Variants in DLGAP2 observed in about 807,000 individuals in gnomAD.
DLGAP2 encodes the protein disks large-associated protein 2.
A neutral mutation model predicts 100.3 loss-of-function variants in DLGAP2; 26 were observed. The ratio of observed to expected loss-of-function variants is 0.26; its 90% CI spans 0.19 to 0.36. The LOEUF (loss-of-function observed/expected upper bound fraction) is 0.36, where lower values mean the gene tolerates loss of function less well. DLGAP2 is among the 10% of genes least tolerant of loss of function. The pLI is 1.00. For missense variants in DLGAP2, 1,858 were observed against 1,453.2 expected (o/e 1.28, Z -4.53); for synonymous variants, 886 against 630.1 (o/e 1.41, Z -6.08).
chr8:826,372 G>C (rs1475561811), intron 1 of DLGAP2, among the ~76,000 whole-genome samples: 1 of 152,076 alleles, frequency 6.6e-6, no homozygotes, highest in Admixed American at 6.5e-5. Flanking sequence ...TATGTTCCCT[G>C]CTTCACTCAT....
At chr8:947,106 C>T (rs1437892539) in intron 2 of DLGAP2, among the ~76,000 whole-genome samples, 2 of 152,208 alleles carry the variant, frequency 1.3e-5, no homozygotes, top group South Asian at 2.1e-4. Context: ...TCCCTGGCTC[C>T]GGGTGCGCCC....
intron 2 of DLGAP2, among the ~76,000 whole-genome samples, chr8:1,134,458 A>G (rs1015755966): frequency 7.2e-5 from 11 of 152,188 alleles, no homozygotes; most frequent in East Asian, 1.9e-4. Flanking sequence ...AACAGTGTAT[A>G]AGCAATTCCT....
chr8:1,350,131 G>A (rs1801673514), intron 3 of DLGAP2, among the ~76,000 whole-genome samples: 1 of 152,194 alleles, frequency 6.6e-6, no homozygotes, highest in Non-Finnish European at 1.5e-5. Flanking sequence ...TTAAACTGCA[G>A]GAAGAAATAA....
chr8:967,836 A>T (rs1256161385), intron 2 of DLGAP2, among the ~76,000 whole-genome samples: 19 of 24,402 alleles, frequency 7.8e-4, no homozygotes, highest in South Asian at 2.0e-3. Context: ...ATATATATAT[A>T]TATATATATA....
intron 1 of DLGAP2, among the ~76,000 whole-genome samples, chr8:779,368 G>C (rs374502787): frequency 1.3e-5 from 2 of 151,956 alleles, no homozygotes; most frequent in Admixed American, 6.5e-5. Flanking sequence ...CTCCTCCCCT[G>C]TGAATCACTT....
intron 3 of DLGAP2, among the ~76,000 whole-genome samples, chr8:1,468,859 C>T (rs866094578): frequency 2.6e-5 from 4 of 152,142 alleles, no homozygotes; most frequent in African/African-American, 7.2e-5. Flanking sequence ...CATCCTGGGG[C>T]CACGCTGCCC....
chr8:1,663,087 G>A (rs1195902323), intron 8 of DLGAP2, among the ~76,000 whole-genome samples: 1 of 138,410 alleles, frequency 7.2e-6, no homozygotes, highest in African/African-American at 2.8e-5. Context: ...GTTTGTACAT[G>A]TGTGTGGGGG....
intron 3 of DLGAP2, among the ~76,000 whole-genome samples, chr8:1,456,917 C>T (rs1280811287): frequency 2.1e-5 from 3 of 141,412 alleles, no homozygotes; most frequent in African/African-American, 5.2e-5. Flanking sequence ...GCCTGCCCTC[C>T]GGCCCCGAGC....
intron 1 of DLGAP2, among the ~76,000 whole-genome samples, chr8:800,142 G>A (rs931598708): frequency 6.6e-6 from 1 of 152,142 alleles, no homozygotes; most frequent in Non-Finnish European, 1.5e-5. Context: ...CACATGCCAA[G>A]TGGAGCTCCT....
chr8:1,332,214 T>C lies in DLGAP2; in HGVS notation c.106+73331T>C, dbSNP rs752546783. 6.1e-4 allele frequency among the ~76,000 whole-genome samples: 93 copies of C among 152,106 alleles called. 1 individual carries two copies. Among genetic ancestry groups the C allele is most frequent in the Non-Finnish European group, 6.6e-4 (45 of 68,010 alleles). ...GTTTATTTGCATTGTGTGCTTGTGA[T>C]GGTTTGTGTGAGTGTGCCTGCATAT... On this transcript the variant is annotated intron_variant, in intron 3 of 14. Coordinates refer to ENST00000637795, the MANE Select transcript of DLGAP2 (RefSeq NM_001346810.2).
intron 6 of DLGAP2, among the ~76,000 whole-genome samples, chr8:1,606,180 G>C (rs2130717564): frequency 6.6e-6 from 1 of 152,218 alleles, no homozygotes; most frequent in South Asian, 2.1e-4. Context: ...TCTACATTCT[G>C]AACGTACGGT....
chr8:1,362,166 C>T (rs1277166388), intron 3 of DLGAP2, among the ~76,000 whole-genome samples: 5 of 152,136 alleles, frequency 3.3e-5, no homozygotes, highest in African/African-American at 9.7e-5. Flanking sequence ...AGCGCCGTCT[C>T]GGCACTGGCA....
In DLGAP2 at chr8:1,555,151, G is replaced by A. The variant is rs114342028; in HGVS notation, c.1230+5468G>A. On this transcript the variant is annotated intron_variant, in intron 5 of 14. Transcript: ENST00000637795. ...CTTCCAATCCCGTAGTGGAATAGCA[G>A]GTCCGGGAGGAGCTTCTCATCCCCT... 2.9e-3 allele frequency among the ~76,000 whole-genome samples: 439 copies of A among 152,254 alleles called. 2 individuals carry two copies. The highest frequency in any genetic ancestry group is 1.0e-2 in the African/African-American group (414 of 41,554).
At chr8:1,084,980 C>G (rs905317792) in intron 2 of DLGAP2, among the ~76,000 whole-genome samples, 1 of 152,172 alleles carries the variant, frequency 6.6e-6, no homozygotes, top group East Asian at 1.9e-4. Context: ...TTTACATTCC[C>G]ACTAACAGCG....
intron 3 of DLGAP2, among the ~76,000 whole-genome samples, chr8:1,407,560 A>C (rs80235001): frequency 1.3e-5 from 1 of 78,064 alleles, no homozygotes; most frequent in African/African-American, 5.4e-5. Context: ...CCACCTCCTC[A>C]TCCTCCAGAG....
intron 3 of DLGAP2, among the ~76,000 whole-genome samples, chr8:1,378,633 C>T (rs978301237): frequency 2.6e-5 from 4 of 152,230 alleles, no homozygotes; most frequent in Non-Finnish European, 4.4e-5. Flanking sequence ...CTGCGCACAC[C>T]TGGCCTCATC....
chr8:1,097,072 T>C (rs111380000), intron 2 of DLGAP2, among the ~76,000 whole-genome samples: 852 of 66,708 alleles, frequency 0.013, no homozygotes, highest in East Asian at 0.017. Flanking sequence ...TCCCCTCCAG[T>C]GTGAGACCCA....
chr8:1,291,531 G>A (rs1053625016), intron 3 of DLGAP2, among the ~76,000 whole-genome samples: 4 of 152,138 alleles, frequency 2.6e-5, no homozygotes, highest in African/African-American at 9.7e-5. Context: ...GACACAGAGG[G>A]TTTTGTGGTA....
intron 8 of DLGAP2, among the ~76,000 whole-genome samples, chr8:1,663,279 A>T (rs998955576): frequency 1.3e-5 from 2 of 152,066 alleles, no homozygotes; most frequent in Admixed American, 1.3e-4. Context: ...TTTCTTTCTC[A>T]TACTGAAGAA....
Sources: gnomAD v4.1 joint callset for allele counts (sites outside exome capture counted in the v4.1 genomes callset) on GRCh38, gnomAD v4.1.1 for gene constraint, MANE v1.5 for transcripts, NCBI Gene and HGNC (gene_info 2026-07-23, HGNC 2026-07-21) for gene names.